OXTR: variants seen among roughly 807,000 people sequenced by gnomAD.
OXTR encodes oxytocin receptor.
In OXTR, 19 loss-of-function variants were observed where a neutral mutation model predicts 23.9. That is an observed-to-expected ratio of 0.80 (90% CI 0.56 to 1.17). OXTR has a LOEUF of 1.17. Ranked by LOEUF, OXTR falls within the 50% of genes most tolerant of loss-of-function variation. The probability of loss-of-function intolerance (pLI) is 0.00; values close to 1 mark genes in which losing one functional copy is unlikely to be tolerated. For missense variants in OXTR, 500 were observed against 550.7 expected (o/e 0.91, Z 0.92); for synonymous variants, 278 against 250.5 (o/e 1.11, Z -1.04).
At chr3:8,743,143 C>A in the OXTR span, among the ~76,000 whole-genome samples, 4 of 152,134 alleles carry the variant, frequency 2.6e-5, no homozygotes, top group Admixed American at 2.0e-4. Context: ...GGTGAAGGGT[C>A]CGCCCCCATG....
rs1215392458 is a variant in OXTR at position 8,752,290 on chromosome 3, A to G, written c.*687T>C. 1 of 152,174 alleles carries G rather than the reference A, an allele frequency of 6.6e-6. No individual in the cohort carries two copies. Among genetic ancestry groups the G allele is most frequent in the African/African-American group, 2.4e-5 (1 of 41,420 alleles). The allele number at this position is 152,174 out of a possible 1,614,324, so 9.4% of individuals were successfully genotyped here. On this transcript the variant is annotated 3_prime_UTR_variant, in exon 4 of 4. Transcript: ENST00000316793. ...GAGTTCCTTAGGATTTTCTATATAC[A>G]AAACTGTGTCATCTGCAAATAGTTT...
At chr3:8,763,227 G>A (rs1403032327) in intron 3 of OXTR, among the ~76,000 whole-genome samples, 1 of 152,074 alleles carries the variant, frequency 6.6e-6, no homozygotes, top group East Asian at 1.9e-4. Context: ...CCAGGCTCAA[G>A]ACAAGAATCC....
chr3:8,759,170 C>T (rs990927587), intron 3 of OXTR, among the ~76,000 whole-genome samples: 7 of 152,170 alleles, frequency 4.6e-5, no homozygotes, highest in African/African-American at 1.2e-4. Flanking sequence ...AACTGTCCAC[C>T]GTTCTTGATC....
Position 8,758,632 on chromosome 3 carries a change from C to T in OXTR, c.923-5408G>A, listed in dbSNP as rs761964997. Among the ~76,000 whole-genome samples, 20 of 152,274 alleles carry T rather than the reference C, an allele frequency of 1.3e-4. 1 individual carries two copies. Among genetic ancestry groups the T allele is most frequent in the East Asian group, 5.8e-4 (3 of 5,186 alleles). ...AGGGTGCCTTCTTAGAAAAGACCAT[C>T]GTTTTACAACTGTGATTTTCCTAAA... On this transcript the variant is annotated intron_variant, in intron 3 of 3. Transcript: ENST00000316793.
downstream of OXTR, among the ~76,000 whole-genome samples, chr3:8,747,415 G>A (rs965881596): frequency 2.6e-5 from 4 of 152,106 alleles, no homozygotes; most frequent in Non-Finnish European, 4.4e-5. Context: ...TATCATTAAC[G>A]TTTTTCTACC....
chr3:8,744,999 C>G, the OXTR span: 1 of 159,434 alleles, frequency 6.3e-6, no homozygotes, highest in African/African-American at 2.4e-5. Context: ...ATGATATGGT[C>G]TGGATCTGTG....
intron 3 of OXTR, among the ~76,000 whole-genome samples, chr3:8,760,844 A>T (rs1263250579): frequency 1.3e-5 from 2 of 152,240 alleles, no homozygotes; most frequent in Non-Finnish European, 2.9e-5. Flanking sequence ...CTGGGGGTAC[A>T]CAAGGCAGGC....
downstream of OXTR, chr3:8,745,460 C>A: frequency 7.7e-7 from 1 of 1,293,326 alleles, no homozygotes; most frequent in Non-Finnish European, 1.1e-6. The surrounding 1 kb of genome is among the most constrained non-coding windows in gnomAD (Gnocchi z 4.8). Flanking sequence ...CATGCACGCA[C>A]ACACCCAAAA....
chr3:8,745,911 C>A, downstream of OXTR: 2 of 1,524,966 alleles, frequency 1.3e-6, no homozygotes, highest in Non-Finnish European at 1.8e-6. The surrounding 1 kb of genome is among the most constrained non-coding windows in gnomAD (Gnocchi z 4.8). Context: ...GGGTGGTGGG[C>A]CAGACTGGTC....
intron 3 of OXTR, among the ~76,000 whole-genome samples, chr3:8,757,099 C>T (rs1708389702): frequency 6.6e-6 from 1 of 152,070 alleles, no homozygotes; most frequent in South Asian, 2.1e-4. Flanking sequence ...GCCTGGATCC[C>T]CCTCCCACCT....
intron 3 of OXTR, among the ~76,000 whole-genome samples, chr3:8,755,016 A>G (rs1035409230): frequency 2.5e-4 from 38 of 152,148 alleles, no homozygotes; most frequent in African/African-American, 9.2e-4. Flanking sequence ...ACTGGTTTTA[A>G]CAAAAAATAT....
intron 3 of OXTR, among the ~76,000 whole-genome samples, chr3:8,759,699 G>A (rs544198826): frequency 6.6e-6 from 1 of 152,368 alleles, no homozygotes; most frequent in South Asian, 2.1e-4. Context: ...GAATGTGCAA[G>A]AGTGCCGTTG....
chr3:8,760,850 C>A (rs1010462062), intron 3 of OXTR, among the ~76,000 whole-genome samples: 2 of 152,198 alleles, frequency 1.3e-5, no homozygotes, highest in Non-Finnish European at 2.9e-5. Context: ...GTACACAAGG[C>A]AGGCTGGCCA....
At chr3:8,769,027 G>A (rs372805478) in intron 1 of OXTR, among the ~76,000 whole-genome samples, 38 of 152,340 alleles carry the variant, frequency 2.5e-4, no homozygotes, top group African/African-American at 8.7e-4. Flanking sequence ...AGCCTCGAAA[G>A]TTCTGGAACC....
chr3:8,762,623 G>C (rs1213746432), intron 3 of OXTR, among the ~76,000 whole-genome samples: 1 of 152,164 alleles, frequency 6.6e-6, no homozygotes, highest in Non-Finnish European at 1.5e-5. Context: ...CAAGGGGCCT[G>C]GTCCCCCACA....
At chr3:8,741,950 C>A in the OXTR span, among the ~76,000 whole-genome samples, 1 of 152,164 alleles carries the variant, frequency 6.6e-6, no homozygotes, top group Non-Finnish European at 1.5e-5. Context: ...ACCATCGTTC[C>A]CCCTTCCTCA....
rs1708639352 is a variant in OXTR, at chr3:8,767,457, GGCGCCTCGGCCGCC to G, written c.717_730del (p.Ala240ArgfsTer164). On this transcript the variant is annotated frameshift_variant, in exon 3 of 4. Transcript: ENST00000316793. LOFTEE classifies it high-confidence loss of function. ...CCCATCGCCAGCCGCCGCGCCCTCT[GGCGCCTCGGCCGCC>G]GCCGCTGCAGCGGTCTTGAGCCGCA... 1 of 1,601,500 alleles carries G rather than the reference GGCGCCTCGGCCGCC, an allele frequency of 6.2e-7. No individual in the cohort carries two copies.
At chr3:8,745,642 C>G (rs1256028341), downstream of OXTR, 1 of 1,614,094 alleles carries the variant, frequency 6.2e-7, no homozygotes, top group African/African-American at 1.3e-5. This position sits in a 1 kb window ranked among gnomAD's most constrained non-coding sequence, Gnocchi z 4.8. Flanking sequence ...GTCTGTTGTC[C>G]ACGCTGCTGG....
intron 3 of OXTR, among the ~76,000 whole-genome samples, chr3:8,763,811 C>T (rs552308093): frequency 6.6e-6 from 1 of 152,156 alleles, no homozygotes; most frequent in Non-Finnish European, 1.5e-5. Flanking sequence ...TAAAGTTTTC[C>T]TCTTTGGTTC....
Sources: allele counts gnomAD v4.1 joint callset (sites outside exome capture counted in the v4.1 genomes callset), GRCh38; gene constraint gnomAD v4.1.1; non-coding constraint Gnocchi (gnomAD v3.1); transcripts MANE v1.5; gene names NCBI Gene and HGNC (gene_info 2026-07-23, HGNC 2026-07-21).